The following AGBL1 variants were observed in gnomAD, a reference collection of about 807,000 sequenced individuals.
AGBL1 encodes cytosolic carboxypeptidase 4.
AGBL1 carries 130 observed loss-of-function variants against 118.9 expected under a neutral mutation model. The observed-to-expected ratio is 1.09, with a 90% confidence interval of 0.95 to 1.26. The LOEUF is 1.26. AGBL1 is among the 50% of genes most tolerant of loss of function. The pLI is 0.00. For synonymous variants in AGBL1, 555 were observed against 478.9 expected (o/e 1.16, Z -2.08); for missense variants, 1,584 against 1,298.1 (o/e 1.22, Z -3.38).
chr15:86,692,901 C>G (rs1218597236), intron 22 of AGBL1, among the ~76,000 whole-genome samples: 1 of 152,140 alleles, frequency 6.6e-6, no homozygotes, highest in African/African-American at 2.4e-5. Context: ...GAATAATAAT[C>G]TCCAGTTCCA....
intron 6 of AGBL1, among the ~76,000 whole-genome samples, chr15:86,238,311 T>C (rs989907540): frequency 6.6e-6 from 1 of 152,218 alleles, no homozygotes; most frequent in African/African-American, 2.4e-5. Flanking sequence ...TAATAGTGCC[T>C]GGAACAACTG....
intron 24 of AGBL1, among the ~76,000 whole-genome samples, chr15:86,994,081 A>G (rs181451016): frequency 1.1e-4 from 17 of 152,198 alleles, no homozygotes; most frequent in Non-Finnish European, 1.6e-4. Flanking sequence ...CTGAAGAAGA[A>G]CTCAACTTCA....
chr15:86,743,861 A>T (rs1031410), intron 22 of AGBL1, among the ~76,000 whole-genome samples: 2 of 150,658 alleles, frequency 1.3e-5, no homozygotes, highest in Admixed American at 6.6e-5. Flanking sequence ...CTGATCACAC[A>T]CCCCCATCCC....
chr15:86,294,369 AGC>A (rs1180266317), intron 16 of AGBL1, among the ~76,000 whole-genome samples: 1 of 134,566 alleles, frequency 7.4e-6, no homozygotes. Context: ...ACTGCACTCC[AGC>A]CTGCCTGGTT....
intron 18 of AGBL1, among the ~76,000 whole-genome samples, chr15:86,424,357 C>T (rs1315224793): frequency 1.3e-5 from 2 of 152,164 alleles, no homozygotes; most frequent in African/African-American, 4.8e-5. Flanking sequence ...GAAACTGGAC[C>T]TCTTCCTTAC....
intron 22 of AGBL1, among the ~76,000 whole-genome samples, chr15:86,720,395 A>G (rs1243009614): frequency 6.6e-6 from 1 of 152,200 alleles, no homozygotes; most frequent in Non-Finnish European, 1.5e-5. Context: ...ATCTTGAATA[A>G]CCAACTTATT....
At chr15:87,024,410 T>C (rs2081703106) in intron 24 of AGBL1, among the ~76,000 whole-genome samples, 2 of 151,800 alleles carry the variant, frequency 1.3e-5, no homozygotes, top group African/African-American at 4.8e-5. Context: ...AAGATACAAC[T>C]CTCCTAGCAT....
At chr15:86,806,825 ATAAT>A (rs1230489130) in intron 22 of AGBL1, among the ~76,000 whole-genome samples, 2 of 149,658 alleles carry the variant, frequency 1.3e-5, no homozygotes, top group Non-Finnish European at 3.0e-5. Context: ...TATAAATATT[ATAAT>A]TAATAACTAT....
chr15:86,402,286 A>C (rs2081460098), intron 18 of AGBL1, among the ~76,000 whole-genome samples: 1 of 152,020 alleles, frequency 6.6e-6, no homozygotes, highest in African/African-American at 2.4e-5. Context: ...AGTGTATAGC[A>C]GTGTGTGTAC....
chr15:86,786,077 AT>A (rs959719736), intron 22 of AGBL1, among the ~76,000 whole-genome samples: 5 of 151,962 alleles, frequency 3.3e-5, no homozygotes, highest in South Asian at 2.1e-4. Flanking sequence ...GGTTTTCTGG[AT>A]TTTTTTTGAA....
intron 22 of AGBL1, among the ~76,000 whole-genome samples, chr15:86,780,440 G>A (rs74025469): frequency 1.1e-4 from 16 of 151,790 alleles, no homozygotes; most frequent in African/African-American, 3.4e-4. Context: ...ATATTACTTT[G>A]CCTTTTCTTG....
intron 21 of AGBL1, among the ~76,000 whole-genome samples, chr15:86,576,062 T>G (rs1009229455): frequency 3.9e-5 from 6 of 152,204 alleles, no homozygotes; most frequent in Non-Finnish European, 8.8e-5. Context: ...ATTGGATGAC[T>G]CAGAAGGAAG....
At position 86,817,508 on chromosome 15, in the gene AGBL1, GAA is replaced by G. The variant is rs2078878178; in HGVS notation, c.3159-89577_3159-89576del. On this transcript the variant is annotated intron_variant, in intron 22 of 22. Transcript: ENST00000614907. ...CACACACACAGAGGAGAGAGAGAGA[GAA>G]AGAGACAGGCATACACACACACACA... Among the ~76,000 whole-genome samples, 3 of 143,552 alleles carry G rather than the reference GAA, an allele frequency of 2.1e-5. No homozygotes were observed. In the South Asian group the frequency reaches 6.7e-4, roughly 32 times the overall value. 94.2% of individuals were successfully genotyped at this position (143,552 alleles called of 152,430 possible). A position where few individuals can be genotyped will look rare whatever the true frequency, so the allele number is the denominator to read the frequency against.
intron 23 of AGBL1, chr15:86,946,405 T>C (rs1490520150): frequency 1.3e-5 from 2 of 152,208 alleles, no homozygotes; most frequent in African/African-American, 4.8e-5. Flanking sequence ...TAGTGGAATT[T>C]ATTCCAGTGC....
intron 21 of AGBL1, among the ~76,000 whole-genome samples, chr15:86,626,270 A>G (rs541875731): frequency 2.0e-5 from 3 of 152,328 alleles, no homozygotes; most frequent in East Asian, 3.9e-4. Flanking sequence ...ATGCCCATCA[A>G]CGATAAACTG....
chr15:86,845,716 TA>T (rs1376218849), intron 22 of AGBL1, among the ~76,000 whole-genome samples: 1 of 152,214 alleles, frequency 6.6e-6, no homozygotes, highest in African/African-American at 2.4e-5. Flanking sequence ...GTTTTCTTGA[TA>T]AAAGAATACC....
intron 22 of AGBL1, among the ~76,000 whole-genome samples, chr15:86,712,537 C>T (rs148970802): frequency 6.6e-6 from 1 of 152,068 alleles, no homozygotes; most frequent in Non-Finnish European, 1.5e-5. Context: ...AGGCTAAGTA[C>T]AACTTAAATG....
chr15:86,595,655 T>G (rs901584173), intron 21 of AGBL1, among the ~76,000 whole-genome samples: 1 of 152,190 alleles, frequency 6.6e-6, no homozygotes, highest in East Asian at 1.9e-4. Flanking sequence ...CCTGACATGT[T>G]CTTCTTTCCC....
chr15:86,818,139 G>T (rs1034023231), intron 22 of AGBL1, among the ~76,000 whole-genome samples: 1 of 152,178 alleles, frequency 6.6e-6, no homozygotes, highest in African/African-American at 2.4e-5. Flanking sequence ...GCGCGTGAGA[G>T]AGAGTGTTGG....
Sources: gnomAD v4.1 joint callset for allele counts (sites outside exome capture counted in the v4.1 genomes callset) on GRCh38, gnomAD v4.1.1 for gene constraint, MANE v1.5 for transcripts, NCBI Gene and HGNC (gene_info 2026-07-23, HGNC 2026-07-21) for gene names.